The following VPS53 variants were observed in gnomAD, a reference collection of about 807,000 sequenced individuals.
VPS53 encodes vacuolar protein sorting-associated protein 53 homolog.
A neutral mutation model predicts 107.0 loss-of-function variants in VPS53; 70 were observed. That is an observed-to-expected ratio of 0.65 (90% CI 0.54 to 0.80). VPS53 has a LOEUF of 0.80. Ranked by LOEUF, VPS53 falls within the 30% of genes least tolerant of loss-of-function variation. The probability of loss-of-function intolerance (pLI) is 0.00; values close to 1 mark genes in which losing one functional copy is unlikely to be tolerated. For missense variants in VPS53, 917 were observed against 1,049.4 expected (o/e 0.87, Z 1.74); for synonymous variants, 409 against 393.3 (o/e 1.04, Z -0.47).
intron 11 of VPS53, among the ~76,000 whole-genome samples, chr17:609,894 C>A (rs1163403959): frequency 6.6e-6 from 1 of 151,942 alleles, no homozygotes; most frequent in Non-Finnish European, 1.5e-5. Context: ...CTTTGGGAGG[C>A]CGAGGTGGGC....
intron 15 of VPS53, among the ~76,000 whole-genome samples, chr17:558,319 T>C (rs1302104089): frequency 6.6e-6 from 1 of 152,054 alleles, no homozygotes; most frequent in Non-Finnish European, 1.5e-5. Flanking sequence ...TACAAAAAAT[T>C]AGCTGTGTGT....
chr17:537,073 G>A lies in VPS53; in HGVS notation c.1970C>T (p.Ala657Val), dbSNP rs1333903674. 2 of 1,614,074 alleles carry A rather than the reference G, an allele frequency of 1.2e-6. No individual in the cohort carries two copies. Among genetic ancestry groups the A allele is most frequent in the African/African-American group, 1.3e-5 (1 of 74,932 alleles). ...CTGAGTGAAGTACTTGCGTGTGGAAGCCAGGTTGTCACGGATGATGGGGAC... is the reference window on the plus strand; with the variant it reads ...CTGAGTGAAGTACTTGCGTGTGGAAACCAGGTTGTCACGGATGATGGGGAC... ...QNVPIIRDNL[A>V]STRKYFTQFC... is the part of the protein sequence containing the mutation. The change falls in exon 18 of 22, where the codon GCT becomes GTT. Residue 657 changes from alanine (A) to valine (V), a missense_variant. Coordinates refer to ENST00000437048, the MANE Select transcript of VPS53 (RefSeq NM_001128159.3).
At chr17:591,663 T>C (rs1967661027) in intron 12 of VPS53, among the ~76,000 whole-genome samples, 1 of 152,204 alleles carries the variant, frequency 6.6e-6, no homozygotes, top group Non-Finnish European at 1.5e-5. Flanking sequence ...GAGCAGGTTG[T>C]TCAGTTTCCA....
intron 5 of VPS53, among the ~76,000 whole-genome samples, chr17:660,605 C>G (rs1454171230): frequency 6.6e-6 from 1 of 151,858 alleles, no homozygotes. Context: ...GCTTTGAGGG[C>G]CCCTGGTGCT....
chr17:568,156 G>A (rs183958256), intron 13 of VPS53, among the ~76,000 whole-genome samples: 1 of 152,308 alleles, frequency 6.6e-6, no homozygotes, highest in East Asian at 1.9e-4. Context: ...AAGCAGTGAG[G>A]CACAGGGAGA....
In VPS53 at chr17:653,332, G is replaced by A. The variant is rs1298603470; in HGVS notation, c.567C>T (p.His189=). Residue 189 remains histidine, a synonymous_variant, in exon 7 of 22, where the codon CAC becomes CAT. Transcript: ENST00000437048. ...GGATCTGCGGAATCCCCATATACTT[G>A]TGGAAGTGCTCCAGGACATTCATCA... ...QGVMNVLEHF[H]KYMGIPQIRQ... is the part of the protein sequence containing the mutation. 1.9e-6 allele frequency: 3 copies of A among 1,614,050 alleles called. No homozygotes were observed. Among genetic ancestry groups the A allele is most frequent in the South Asian group, 1.1e-5 (1 of 91,088 alleles).
In VPS53 at chr17:520,766, T is replaced by C. The variant is rs139480366; in HGVS notation, c.2223+835A>G. 5.1e-4 allele frequency among the ~76,000 whole-genome samples: 75 copies of C among 147,886 alleles called. No individual in the cohort carries two copies. The highest frequency in any genetic ancestry group is 1.8e-3 in the African/African-American group (73 of 41,062). ...AGGGAAAGAACATGATGAGGCAGCT[T>C]CACCCTCACCTACATGAGCTCTTCA... On this transcript the variant is annotated intron_variant, in intron 20 of 21. Coordinates refer to ENST00000437048, the MANE Select transcript of VPS53 (RefSeq NM_001128159.3). This position sits in a 1 kb window ranked among gnomAD's most constrained non-coding sequence, Gnocchi z 4.4.
At chr17:659,105 A>G (rs1024028259) in intron 5 of VPS53, among the ~76,000 whole-genome samples, 4 of 152,038 alleles carry the variant, frequency 2.6e-5, no homozygotes, top group African/African-American at 7.2e-5. Context: ...CAAAAAAAAT[A>G]AAAATAAATA....
At chr17:654,572 A>G (rs996489004) in intron 6 of VPS53, among the ~76,000 whole-genome samples, 3 of 151,806 alleles carry the variant, frequency 2.0e-5, no homozygotes, top group Non-Finnish European at 4.4e-5. Flanking sequence ...CCCCGTCTCT[A>G]CTAAAAATAC....
At chr17:616,314 G>C (rs36027158) in intron 11 of VPS53, 1 of 152,132 alleles carries the variant, frequency 6.6e-6, no homozygotes, top group African/African-American at 2.4e-5. Context: ...AAATAGAGAG[G>C]GAAAGAAAGA....
intron 17 of VPS53, among the ~76,000 whole-genome samples, chr17:548,370 ACAG>A (rs1567614890): frequency 1.5e-4 from 23 of 150,672 alleles, no homozygotes; most frequent in African/African-American, 5.6e-4. Context: ...TGGCCAGCCA[ACAG>A]TCCTTCTGGA....
At chr17:712,769 C>T (rs1973692048) in intron 1 of VPS53, among the ~76,000 whole-genome samples, 1 of 152,116 alleles carries the variant, frequency 6.6e-6, no homozygotes, top group Admixed American at 6.6e-5. Flanking sequence ...TAATCAAAAA[C>T]CACCTGTACC....
intron 18 of VPS53, 105 bp downstream of exon 18, chr17:536,923 C>G: frequency 6.9e-7 from 1 of 1,439,620 alleles, no homozygotes; most frequent in Non-Finnish European, 9.4e-7. Flanking sequence ...CACGGGAAAT[C>G]TCTGTGCTTG....
chr17:683,370 TA>T (rs541959550), intron 4 of VPS53, among the ~76,000 whole-genome samples: 4 of 149,598 alleles, frequency 2.7e-5, no homozygotes, highest in East Asian at 2.0e-4. Flanking sequence ...TTTAAAGTAC[TA>T]AAAAAAAATA....
Position 628,466 on chromosome 17 carries a change from A to G in VPS53, c.688-235T>C, listed in dbSNP as rs116493624. Among the ~76,000 whole-genome samples the G allele has an allele frequency of 2.9e-3, 447 of 152,340 alleles. 3 individuals carry two copies. Among genetic ancestry groups the G allele is most frequent in the African/African-American group, 0.01 (424 of 41,570 alleles). ...AACTACCCTGTGAATCTGCAATGAGATATTTTGGGAAATGGGCAGTAATGA... is the reference window on the plus strand; with the variant it reads ...AACTACCCTGTGAATCTGCAATGAGGTATTTTGGGAAATGGGCAGTAATGA... On this transcript the variant is annotated intron_variant, in intron 8 of 21. Coordinates refer to ENST00000437048, the MANE Select transcript of VPS53 (RefSeq NM_001128159.3).
chr17:701,141 C>T (rs1973182112), intron 2 of VPS53, among the ~76,000 whole-genome samples: 1 of 151,902 alleles, frequency 6.6e-6, no homozygotes, highest in Non-Finnish European at 1.5e-5. Flanking sequence ...CCAGACAATA[C>T]AGTGAGATCC....
intron 4 of VPS53, among the ~76,000 whole-genome samples, chr17:672,108 TGA>T (rs1491498481): frequency 9.9e-5 from 3 of 30,302 alleles, no homozygotes; most frequent in African/African-American, 1.6e-4. Flanking sequence ...ATGATGAGGG[TGA>T]CACACACACA....
intron 2 of VPS53, among the ~76,000 whole-genome samples, chr17:701,849 C>G (rs1973214347): frequency 6.6e-6 from 1 of 152,116 alleles, no homozygotes; most frequent in Non-Finnish European, 1.5e-5. Flanking sequence ...ACCCCAGCCT[C>G]CTGAGTGGCT....
chr17:705,162 C>G (rs1190469977), intron 2 of VPS53, among the ~76,000 whole-genome samples: 3 of 152,144 alleles, frequency 2.0e-5, no homozygotes, highest in African/African-American at 7.2e-5. Flanking sequence ...TTGGGCTCAC[C>G]TTACAGCCCA....
Sources: gnomAD v4.1 joint callset for allele counts (sites outside exome capture counted in the v4.1 genomes callset) on GRCh38, gnomAD v4.1.1 for gene constraint, Gnocchi (gnomAD v3.1) non-coding constraint, MANE v1.5 for transcripts, NCBI Gene and HGNC (gene_info 2026-07-23, HGNC 2026-07-21) for gene names.